Variants in PRKCH observed in about 807,000 individuals in gnomAD.
PRKCH encodes protein kinase C eta.
In PRKCH, 28 loss-of-function variants were observed where a neutral mutation model predicts 82.5. The ratio of observed to expected loss-of-function variants is 0.34; its 90% CI spans 0.25 to 0.47. The LOEUF (loss-of-function observed/expected upper bound fraction) is 0.47, where lower values mean the gene tolerates loss of function less well. Among genes scored for constraint, PRKCH ranks in the 20% least tolerant of loss-of-function variants. The pLI, the probability that PRKCH is intolerant of heterozygous loss-of-function variation, is 1.00. For synonymous variants in PRKCH, 322 were observed against 327.4 expected, an observed-to-expected ratio of 0.98 and a Z score of 0.18; for missense variants, 705 against 881.8, an observed-to-expected ratio of 0.80 and a Z score of 2.54.
At chr14:61,409,094 CCA>C in intron 2 of PRKCH, among the ~76,000 whole-genome samples, 1 of 152,318 alleles carries the variant, frequency 6.6e-6, no homozygotes, top group East Asian at 1.9e-4. Flanking sequence ...TTTTCCCAAG[CCA>C]CTGCTTGAGG....
At chr14:61,193,071 T>C (rs571819625) in intron 1 of PRKCH, among the ~76,000 whole-genome samples, 46 of 152,302 alleles carry the variant, frequency 3.0e-4, no homozygotes, top group African/African-American at 1.1e-3. Context: ...AGGGAAGCCA[T>C]CCTAGGCAAT....
chr14:61,210,813 T>TGCAC (rs2044572519), intron 1 of PRKCH, among the ~76,000 whole-genome samples: 1 of 151,126 alleles, frequency 6.6e-6, no homozygotes, highest in Non-Finnish European at 1.5e-5. Flanking sequence ...TGTGTGTGTG[T>TGCAC]GCGTGCACGC....
intron 2 of PRKCH, among the ~76,000 whole-genome samples, chr14:61,418,798 G>A (rs1379964509): frequency 6.6e-6 from 1 of 152,170 alleles, no homozygotes; most frequent in Admixed American, 6.5e-5. Flanking sequence ...TCCATCCTGG[G>A]AATTATACTC....
At chr14:61,495,693 C>A (rs1566913191) in intron 10 of PRKCH, among the ~76,000 whole-genome samples, 1 of 152,244 alleles carries the variant, frequency 6.6e-6, no homozygotes, top group Admixed American at 6.5e-5. Context: ...TGTTGTTGGG[C>A]ACTCACTGTG....
At chr14:61,257,647 A>ACACG (rs369341371) in intron 1 of PRKCH, among the ~76,000 whole-genome samples, 1,749 of 150,948 alleles carry the variant, frequency 0.012, 21 homozygotes, top group Admixed American at 0.018. Flanking sequence ...ACACACACAC[A>ACACG]CACGCATACA....
chr14:61,385,841 A>G (rs2046579628), intron 1 of PRKCH, among the ~76,000 whole-genome samples: 1 of 152,202 alleles, frequency 6.6e-6, no homozygotes, highest in Non-Finnish European at 1.5e-5. Flanking sequence ...CATAATGACT[A>G]CAACATGATG....
chr14:61,525,713 A>G (rs1176812747), intron 10 of PRKCH: 1 of 152,208 alleles, frequency 6.6e-6, no homozygotes, highest in African/African-American at 2.4e-5. Context: ...TTCTGTTAGC[A>G]CTTGTTTCTG....
At chr14:61,472,109 C>A (rs1225212801) in intron 9 of PRKCH, among the ~76,000 whole-genome samples, 1 of 152,086 alleles carries the variant, frequency 6.6e-6, no homozygotes, top group African/African-American at 2.4e-5. Flanking sequence ...AAGCGTGCAG[C>A]GTCTGTTTAA....
chr14:61,486,249 C>T lies in PRKCH; in HGVS notation c.1433+593C>T, dbSNP rs528011534. ...CATGATTCTATTCCATTTTAAGAAT[C>T]TACACCTTAACTAAAGGGTGTGGCT... On this transcript the variant is annotated intron_variant, in intron 10 of 13. Transcript: ENST00000332981. Among the ~76,000 whole-genome samples, 5 of 149,738 alleles carry T rather than the reference C, an allele frequency of 3.3e-5. No homozygotes were observed. The Admixed American group carries it at 3.4e-4, about 10-fold the overall frequency.
chr14:61,479,696 A>G (rs1055389008), intron 9 of PRKCH, among the ~76,000 whole-genome samples: 2 of 152,154 alleles, frequency 1.3e-5, no homozygotes, highest in African/African-American at 4.8e-5. Context: ...ACTGACAGCC[A>G]TTATTCGGGG....
At chr14:61,529,242 A>T (rs1480936886) in intron 11 of PRKCH, 29 bp downstream of exon 11, 1 of 1,584,548 alleles carries the variant, frequency 6.3e-7, no homozygotes, top group Non-Finnish European at 8.6e-7. Flanking sequence ...TGCAGCTCTG[A>T]AATCTGAGCT....
intron 10 of PRKCH, among the ~76,000 whole-genome samples, chr14:61,505,728 C>T (rs1448055390): frequency 6.6e-6 from 1 of 152,068 alleles, no homozygotes; most frequent in East Asian, 1.9e-4. Flanking sequence ...ACCTTCATGA[C>T]CTAGCCACCT....
At chr14:61,311,403 A>G (rs2045522667) in intron 1 of PRKCH, among the ~76,000 whole-genome samples, 2 of 152,298 alleles carry the variant, frequency 1.3e-5, no homozygotes, top group East Asian at 3.9e-4. Context: ...TAAGTTCCTC[A>G]TCTCCATCTG....
At chr14:61,394,568 C>A (rs956555480) in intron 2 of PRKCH, among the ~76,000 whole-genome samples, 1 of 152,080 alleles carries the variant, frequency 6.6e-6, no homozygotes, top group African/African-American at 2.4e-5. Context: ...AAGGGACTGG[C>A]GAAGTAAAGC....
rs2045243081 is a variant in PRKCH, at chr14:61,280,112, C to G, written c.-19+92444C>G. ...CGGAATCACTCCTCGTCGTCGTCGT[C>G]CTGGTCCTGGTAGCGAATGTAGACG... On this transcript the variant is annotated intron_variant, in intron 1 of 3. Transcript: ENST00000555185. The surrounding 1 kb of genome is among the most constrained non-coding windows in gnomAD (Gnocchi z 5.0). The G allele has an allele frequency of 6.2e-7, 1 of 1,612,806 alleles. No homozygotes were observed. The highest frequency in any genetic ancestry group is 1.3e-5 in the African/African-American group (1 of 75,004).
At position 61,547,852 on chromosome 14, in the gene PRKCH, A is replaced by G; in HGVS notation, c.1871A>G (p.His624Arg). The G allele has an allele frequency of 6.2e-7, 1 of 1,613,968 alleles. No individual in the cohort carries two copies. Among genetic ancestry groups the G allele is most frequent in the South Asian group, 1.1e-5 (1 of 91,044 alleles). Residue 624 changes from histidine to arginine, a missense_variant, in exon 13 of 14, where the codon CAT becomes CGT. Transcript: ENST00000332981. ...GAAATCGACTGGGCCCAGCTGAACC[A>G]TCGCCAAATAGAACCGCCTTTCAGA... Reference protein sequence around the residue: ...FKEIDWAQLNHRQIEPPFRPR... With the variant: ...FKEIDWAQLNRRQIEPPFRPR...
rs1283308615 is a variant in PRKCH, at chr14:61,470,377, A to G, written c.1278+12698A>G. 2.0e-5 allele frequency among the ~76,000 whole-genome samples: 3 copies of G among 152,088 alleles called. No homozygotes were observed. The East Asian group carries it at 5.8e-4, about 29-fold the overall frequency. ...TGGCAAGACTAGTCTGTTCACTGGC[A>G]GCCCCTGCATCAGGCTGTGAGGACG... On this transcript the variant is annotated intron_variant, in intron 9 of 13. Transcript: ENST00000332981.
intron 1 of PRKCH, among the ~76,000 whole-genome samples, chr14:61,222,045 CT>C (rs778540398): frequency 2.5e-4 from 38 of 152,200 alleles, no homozygotes; most frequent in Non-Finnish European, 5.0e-4. Flanking sequence ...CTCCCACACA[CT>C]GCCTGCTCTT....
chr14:61,354,567 A>G (rs1287907052), intron 1 of PRKCH, among the ~76,000 whole-genome samples: 1 of 152,116 alleles, frequency 6.6e-6, no homozygotes, highest in African/African-American at 2.4e-5. Context: ...TTTATTCTAT[A>G]AGCATTTATT....
Sources: gnomAD v4.1 joint callset for allele counts (sites outside exome capture counted in the v4.1 genomes callset) on GRCh38, gnomAD v4.1.1 for gene constraint, Gnocchi (gnomAD v3.1) non-coding constraint, MANE v1.5 for transcripts, NCBI Gene and HGNC (gene_info 2026-07-23, HGNC 2026-07-21) for gene names.